Variants in CPEB3 observed in about 807,000 individuals in gnomAD.
The protein encoded by CPEB3 is cytoplasmic polyadenylation element-binding protein 3.
In CPEB3, 20 loss-of-function variants were observed where a neutral mutation model predicts 67.2. The ratio of observed to expected loss-of-function variants is 0.30; its 90% CI spans 0.21 to 0.43. The LOEUF (loss-of-function observed/expected upper bound fraction) is 0.43. CPEB3 is among the 20% of genes least tolerant of loss of function. The pLI, the probability that CPEB3 is intolerant of heterozygous loss-of-function variation, is 1.00. For missense variants in CPEB3, 746 were observed against 968.6 expected, an observed-to-expected ratio of 0.77 and a Z score of 3.05; for synonymous variants, 376 against 393.1, an observed-to-expected ratio of 0.96 and a Z score of 0.51.
intron 1 of CPEB3, among the ~76,000 whole-genome samples, chr10:92,250,866 T>C (rs1469089091): frequency 7.0e-6 from 1 of 143,550 alleles, no homozygotes; most frequent in Non-Finnish European, 1.5e-5. Flanking sequence ...TAATTTTTTT[T>C]TTTTTTTTTT....
intron 4 of CPEB3, 112 bp from the exon 5 acceptor site, chr10:92,145,197 AGC>A: frequency 8.3e-7 from 1 of 1,205,492 alleles, no homozygotes; most frequent in Admixed American, 2.4e-5. Context: ...TGCAGAGAGA[AGC>A]ATACAAAAAA....
At chr10:92,140,360 A>G (rs542162689) in intron 6 of CPEB3, among the ~76,000 whole-genome samples, 1 of 152,320 alleles carries the variant, frequency 6.6e-6, no homozygotes, top group Admixed American at 6.5e-5. Flanking sequence ...TACAAACCTG[A>G]CAAAAACAAG....
intron 1 of CPEB3, among the ~76,000 whole-genome samples, chr10:92,289,738 T>G: frequency 1.9e-5 from 1 of 53,064 alleles, no homozygotes; most frequent in East Asian, 4.3e-4. Flanking sequence ...AAAAAATATA[T>G]ATATATATAT....
intron 7 of CPEB3, among the ~76,000 whole-genome samples, chr10:92,101,018 C>T (rs1363118395): frequency 6.6e-6 from 1 of 152,196 alleles, no homozygotes; most frequent in African/African-American, 2.4e-5. Context: ...TATCGTCAAG[C>T]TCATTTTTAA....
chr10:92,184,675 A>T (rs999994160), intron 3 of CPEB3, among the ~76,000 whole-genome samples: 1 of 152,184 alleles, frequency 6.6e-6, no homozygotes. Flanking sequence ...ATCTAAATAT[A>T]ATCTAATTTT....
intron 2 of CPEB3, among the ~76,000 whole-genome samples, chr10:92,202,300 C>T (rs1454729969): frequency 6.6e-6 from 1 of 151,966 alleles, no homozygotes; most frequent in Non-Finnish European, 1.5e-5. Context: ...TATGTCCACA[C>T]AAAAACCTAT....
chr10:92,282,778 G>C (rs1046110435), intron 1 of CPEB3, among the ~76,000 whole-genome samples: 6 of 152,188 alleles, frequency 3.9e-5, no homozygotes, highest in Non-Finnish European at 5.9e-5. Context: ...GTCCTTTAGA[G>C]AGCAACAGGG....
At chr10:92,252,360 C>T (rs1224772501) in intron 1 of CPEB3, among the ~76,000 whole-genome samples, 1 of 152,130 alleles carries the variant, frequency 6.6e-6, no homozygotes, top group Admixed American at 6.5e-5. Flanking sequence ...TATAACTATA[C>T]AACCACAATG....
At chr10:92,220,832 G>C (rs1850664965) in intron 2 of CPEB3, among the ~76,000 whole-genome samples, 1 of 152,198 alleles carries the variant, frequency 6.6e-6, no homozygotes, top group Admixed American at 6.5e-5. Flanking sequence ...TAGCCTGTAA[G>C]TAGTAGATAA....
intron 2 of CPEB3, among the ~76,000 whole-genome samples, chr10:92,218,864 G>A (rs1377080878): frequency 6.6e-6 from 1 of 151,782 alleles, no homozygotes; most frequent in Non-Finnish European, 1.5e-5. Flanking sequence ...ACCCAGGCTG[G>A]AGCGCAGTGG....
intron 4 of CPEB3, among the ~76,000 whole-genome samples, chr10:92,145,973 T>C (rs190559610): frequency 6.6e-6 from 1 of 152,192 alleles, no homozygotes; most frequent in East Asian, 1.9e-4. Context: ...AATTTGGAAA[T>C]AAACATACGC....
intron 1 of CPEB3, among the ~76,000 whole-genome samples, chr10:92,264,120 G>C (rs935968195): frequency 6.6e-6 from 1 of 152,068 alleles, no homozygotes; most frequent in Non-Finnish European, 1.5e-5. Context: ...CCTGAGGTCA[G>C]GAGTTCAAGA....
chr10:92,287,224 G>A (rs905400965), intron 1 of CPEB3, among the ~76,000 whole-genome samples: 1 of 151,936 alleles, frequency 6.6e-6, no homozygotes, highest in Non-Finnish European at 1.5e-5. Context: ...CGCCTCCCAG[G>A]TTCAAGCGAT....
At chr10:92,095,260 A>G (rs1590123418) in intron 7 of CPEB3, among the ~76,000 whole-genome samples, 2 of 152,162 alleles carry the variant, frequency 1.3e-5, no homozygotes, top group East Asian at 3.8e-4. Flanking sequence ...CTCAAGACAC[A>G]GTGCTGATTA....
chr10:92,284,759 T>G (rs1012068920), intron 1 of CPEB3, among the ~76,000 whole-genome samples: 7 of 152,194 alleles, frequency 4.6e-5, no homozygotes, highest in African/African-American at 1.7e-4. Context: ...TAATAAACTA[T>G]AAACCCCACA....
At chr10:92,132,602 G>C (rs1426520400) in intron 6 of CPEB3, among the ~76,000 whole-genome samples, 1 of 152,044 alleles carries the variant, frequency 6.6e-6, no homozygotes, top group African/African-American at 2.4e-5. Flanking sequence ...AATGACAAAT[G>C]GGGGAAGGTT....
intron 2 of CPEB3, among the ~76,000 whole-genome samples, chr10:92,228,071 A>G (rs1851076266): frequency 6.6e-6 from 1 of 151,738 alleles, no homozygotes; most frequent in African/African-American, 2.4e-5. Flanking sequence ...TATTTTTAGT[A>G]GAGACAGGCT....
At chr10:92,054,603 A>G (rs975542802) in intron 9 of CPEB3, among the ~76,000 whole-genome samples, 11 of 151,764 alleles carry the variant, frequency 7.2e-5, no homozygotes, top group African/African-American at 2.7e-4. Flanking sequence ...CCACACCCAA[A>G]TATAATTTTT....
intron 9 of CPEB3, among the ~76,000 whole-genome samples, chr10:92,053,485 T>C (rs941886271): frequency 1.3e-5 from 2 of 151,518 alleles, no homozygotes; most frequent in Non-Finnish European, 2.9e-5. Flanking sequence ...TGCCTCAGCC[T>C]CGCGAGTAGC....
Sources: gnomAD v4.1 joint callset for allele counts (sites outside exome capture counted in the v4.1 genomes callset) on GRCh38, gnomAD v4.1.1 for gene constraint, MANE v1.5 for transcripts, NCBI Gene and HGNC (gene_info 2026-07-23, HGNC 2026-07-21) for gene names.